Variants in RUNX1T1 observed in about 807,000 individuals in gnomAD.
The protein encoded by RUNX1T1 is RUNX1 partner transcriptional co-repressor 1.
RUNX1T1 carries 4 observed loss-of-function variants against 62.8 expected under a neutral mutation model. That is an observed-to-expected ratio of 0.06 (90% CI 0.03 to 0.15). The LOEUF is 0.15. RUNX1T1 is among the 10% of genes least tolerant of loss of function. The probability of loss-of-function intolerance (pLI) is 1.00; values close to 1 mark genes in which losing one functional copy is unlikely to be tolerated. For synonymous variants in RUNX1T1, 291 were observed against 286.0 expected (o/e 1.02, Z -0.18); for missense variants, 508 against 754.3 (o/e 0.67, Z 3.82).
At chr8:92,090,321 T>C (rs1310131413) in intron 1 of RUNX1T1, among the ~76,000 whole-genome samples, 4 of 152,008 alleles carry the variant, frequency 2.6e-5, no homozygotes, top group Non-Finnish European at 4.4e-5. Flanking sequence ...AAGTTGAACC[T>C]GGCCAACTGG....
At chr8:92,096,787 G>T (rs1837783429) in intron 1 of RUNX1T1, among the ~76,000 whole-genome samples, 1 of 152,032 alleles carries the variant, frequency 6.6e-6, no homozygotes, top group South Asian at 2.1e-4. Flanking sequence ...ATAAAATGGG[G>T]ATGAAGGGTA....
intron 1 of RUNX1T1, among the ~76,000 whole-genome samples, chr8:92,080,909 C>T (rs961162486): frequency 1.3e-5 from 2 of 152,302 alleles, no homozygotes; most frequent in South Asian, 2.1e-4. Context: ...GTATCAACAA[C>T]GCAATATGAC....
chr8:92,028,880 A>T (rs569369542), intron 1 of RUNX1T1, among the ~76,000 whole-genome samples: 1 of 152,332 alleles, frequency 6.6e-6, no homozygotes, highest in East Asian at 1.9e-4. Context: ...AAAAACAAAC[A>T]AAAAACAAAA....
At chr8:91,983,365 C>T (rs1815847034) in intron 8 of RUNX1T1, among the ~76,000 whole-genome samples, 1 of 152,148 alleles carries the variant, frequency 6.6e-6, no homozygotes, top group African/African-American at 2.4e-5. Flanking sequence ...ACACATCAAT[C>T]ATGAAAGTTA....
intron 5 of RUNX1T1, among the ~76,000 whole-genome samples, chr8:91,999,111 T>G (rs1206422389): frequency 6.6e-6 from 1 of 152,174 alleles, no homozygotes; most frequent in African/African-American, 2.4e-5. Flanking sequence ...TTCCATAAGA[T>G]TATTATTTAG....
chr8:91,965,378 A>G (rs1028180225), intron 10 of RUNX1T1, among the ~76,000 whole-genome samples: 3 of 152,124 alleles, frequency 2.0e-5, no homozygotes, highest in African/African-American at 7.2e-5. Flanking sequence ...TTCTTATACA[A>G]TAACTTCTTC....
At chr8:91,991,594 C>A in intron 6 of RUNX1T1, 45 bp downstream of exon 7, 1 of 1,573,226 alleles carries the variant, frequency 6.4e-7, no homozygotes, top group South Asian at 1.1e-5. Flanking sequence ...TGCAAGTCTT[C>A]AAGCACCCAA....
intron 5 of RUNX1T1, among the ~76,000 whole-genome samples, chr8:91,993,977 C>T (rs1007400345): frequency 2.0e-5 from 3 of 151,948 alleles, no homozygotes; most frequent in Non-Finnish European, 4.4e-5. Context: ...GGGCAACAAA[C>T]TCAAAACTCT....
At chr8:91,964,395 C>T (rs548397272) in intron 10 of RUNX1T1, among the ~76,000 whole-genome samples, 6 of 152,134 alleles carry the variant, frequency 3.9e-5, no homozygotes, top group East Asian at 3.9e-4. Context: ...TGCACAAAAT[C>T]GATGTGTAAT....
Position 91,959,488 on chromosome 8 carries a change from G to GTATATATA in RUNX1T1, c.*746_*753dup, listed in dbSNP as rs60438153. 80 of 86,628 alleles carry GTATATATA rather than the reference G, an allele frequency of 9.2e-4. 1 individual carries two copies. Among genetic ancestry groups the GTATATATA allele is most frequent in the Non-Finnish European group, 1.4e-3 (62 of 44,988 alleles). The allele number at this position is 86,628 out of a possible 1,614,324, so 5.4% of individuals were successfully genotyped here. ...TGTGTATATGTGCGTGTGTGTGTGT[G>GTATATATA]TATATATATATATATATATATATAT... is the stretch of plus-strand genomic sequence containing the variant. On this transcript the variant is annotated 3_prime_UTR_variant, in exon 11 of 11. Transcript: ENST00000396218.
intron 1 of RUNX1T1, among the ~76,000 whole-genome samples, chr8:92,040,027 C>T (rs1433688492): frequency 6.6e-6 from 1 of 152,210 alleles, no homozygotes; most frequent in African/African-American, 2.4e-5. Flanking sequence ...CATCCAGTGG[C>T]TTCCCTTTCT....
At chr8:92,077,994 G>GT (rs1212507246) in intron 1 of RUNX1T1, among the ~76,000 whole-genome samples, 2 of 152,096 alleles carry the variant, frequency 1.3e-5, no homozygotes, top group African/African-American at 4.8e-5. Context: ...TTTAATCAGA[G>GT]TTTTTTGAAG....
chr8:92,054,432 G>A (rs1046127628), intron 1 of RUNX1T1, among the ~76,000 whole-genome samples: 45 of 152,084 alleles, frequency 3.0e-4, no homozygotes, highest in Admixed American at 5.9e-4. Context: ...AGACAGCATC[G>A]CTGTCTATAA....
intron 10 of RUNX1T1, among the ~76,000 whole-genome samples, chr8:91,968,452 A>T (rs1586725047): frequency 6.6e-6 from 1 of 152,238 alleles, no homozygotes; most frequent in East Asian, 1.9e-4. Context: ...AAACAGAACA[A>T]TCCATAAAAT....
intron 1 of RUNX1T1, among the ~76,000 whole-genome samples, chr8:92,052,875 T>C (rs1830445168): frequency 6.6e-6 from 1 of 152,234 alleles, no homozygotes; most frequent in South Asian, 2.1e-4. Flanking sequence ...TGAGAGTCTT[T>C]AATCTGTTTA....
intron 1 of RUNX1T1, among the ~76,000 whole-genome samples, chr8:92,039,160 T>C (rs1467177129): frequency 2.0e-5 from 3 of 151,402 alleles, no homozygotes; most frequent in Non-Finnish European, 2.9e-5. Flanking sequence ...TTTTTTTTTT[T>C]GAGACAGAGT....
intron 10 of RUNX1T1, among the ~76,000 whole-genome samples, chr8:91,961,355 G>A (rs986296940): frequency 2.0e-5 from 3 of 152,184 alleles, no homozygotes; most frequent in South Asian, 2.1e-4. Context: ...TCCAGCCAAC[G>A]GAGCTGCTCT....
Position 92,005,108 on chromosome 8 carries a change from CCT to C in RUNX1T1, c.659+6_659+7del. The C allele has an allele frequency of 6.3e-7, 1 of 1,598,054 alleles. No individual in the cohort carries two copies. Among genetic ancestry groups the C allele is most frequent in the South Asian group, 1.1e-5 (1 of 88,898 alleles). ...TCATGGTTCATCCAGGCTCCTCCTC[CCT>C]CTCACCTGTCTGGAGTTCGCCTCTT... On this transcript the variant is annotated splice_donor_region_variant and intron_variant, in intron 5 of 10. Coordinates refer to ENST00000396218, the Ensembl canonical transcript of RUNX1T1.
At chr8:92,089,117 C>A (rs907731406) in intron 1 of RUNX1T1, among the ~76,000 whole-genome samples, 1 of 152,142 alleles carries the variant, frequency 6.6e-6, no homozygotes, top group African/African-American at 2.4e-5. Context: ...CAGTAAGCTT[C>A]CACTGTCATT....
Sources: gnomAD v4.1 joint callset for allele counts (sites outside exome capture counted in the v4.1 genomes callset) on GRCh38, gnomAD v4.1.1 for gene constraint, MANE v1.5 for transcripts, NCBI Gene and HGNC (gene_info 2026-07-23, HGNC 2026-07-21) for gene names.